The following OR4S2 variants were observed in gnomAD, a reference collection of about 807,000 sequenced individuals.
OR4S2 encodes the protein olfactory receptor family 4 subfamily S member 2, also known as olfactory receptor 4S2.
OR4S2 carries 16 observed loss-of-function variants against 15.1 expected under a neutral mutation model. The observed-to-expected ratio is 1.06, with a 90% CI of 0.72 to 1.61. OR4S2 has a LOEUF of 1.61. Ranked by LOEUF, OR4S2 falls within the 40% of genes most tolerant of loss-of-function variation. OR4S2 has a pLI of 0.00. For missense variants in OR4S2, 362 were observed against 379.6 expected (o/e 0.95, Z 0.38); for synonymous variants, 133 against 136.3 (o/e 0.98, Z 0.17).
rs1294860633 is a variant in OR4S2 at position 55,651,183 on chromosome 11, G to T, written c.280G>T (p.Gly94Trp). The change falls in exon 2 of 2, where the codon GGG becomes TGG. Residue 94 changes from glycine to tryptophan, a missense_variant. Physicochemically the swap from Gly to Trp is radical, Grantham distance 184. Transcript: ENST00000641692. ...LAKDKTISYV[G>W]CMLQLFGVHF... is the part of the protein sequence containing the mutation. ...AAAGGACAAAACCATCTCCTATGTG[G>T]GGTGCATGTTGCAACTGTTTGGAGT... 1.3e-6 allele frequency: 2 copies of T among 1,486,252 alleles called. No individual in the cohort carries two copies. The highest frequency in any genetic ancestry group is 5.2e-5 in the East Asian group (2 of 38,740). 92.1% of individuals were successfully genotyped at this position (1,486,252 alleles called of 1,614,324 possible). A position where few individuals can be genotyped will look rare whatever the true frequency, so the allele number is the denominator to read the frequency against.
rs1258489226 is a variant in OR4S2 at position 55,650,882 on chromosome 11, T to C, written c.-22T>C. The C allele has an allele frequency of 1.2e-5, 13 of 1,061,280 alleles. No individual in the cohort carries two copies. The highest frequency in any genetic ancestry group is 1.8e-5 in the Non-Finnish European group (13 of 732,136). 65.7% of individuals were successfully genotyped at this position (1,061,280 alleles called of 1,614,324 possible). On this transcript the variant is annotated 5_prime_UTR_variant, in exon 2 of 2. Transcript: ENST00000641692. Reference sequence around the variant, plus strand: ...CTTTTTTTCAGGTAATTTAATTGTCTCCTAAGAACTTGACCCATTCCATGG... The same window carrying C: ...CTTTTTTTCAGGTAATTTAATTGTCCCCTAAGAACTTGACCCATTCCATGG...
At position 55,651,267 on chromosome 11, in the gene OR4S2, G is replaced by A. The variant is rs1858562952; in HGVS notation, c.364G>A (p.Val122Met). ...ILTVMAYDRY[V>M]AICKPLHYMT... The stretch of plus-strand genomic sequence containing the variant: ...TACTGTAATGGCCTATGATCGTTAT[G>A]TGGCTATCTGTAAACCCCTACATTA... Residue 122 changes from valine to methionine, a missense_variant, in exon 2 of 2, where the codon GTG becomes ATG. Val to Met is a conservative substitution (Grantham distance 21). Transcript: ENST00000641692. The A allele has an allele frequency of 2.0e-6, 3 of 1,479,888 alleles. 1 individual carries two copies. The highest frequency in any genetic ancestry group is 2.8e-6 in the Non-Finnish European group (3 of 1,085,800). The allele number at this position is 1,479,888 out of a possible 1,614,324, so 91.7% of individuals were successfully genotyped here.
intron 1 of OR4S2, among the ~76,000 whole-genome samples, chr11:55,649,411 G>A (rs1858536918): frequency 7.2e-6 from 1 of 138,214 alleles, no homozygotes; most frequent in Non-Finnish European, 1.6e-5. Flanking sequence ...TATTAGGCAC[G>A]ACTTCACTGC....
intron 1 of OR4S2, among the ~76,000 whole-genome samples, chr11:55,648,807 G>A (rs1858529420): frequency 1.5e-5 from 2 of 137,258 alleles, no homozygotes; most frequent in Admixed American, 1.6e-4. Flanking sequence ...AACATGCCCA[G>A]ATAAAGGAGG....
chr11:55,650,732 A>G (rs79068713), intron 1 of OR4S2, 136 bp from the exon 2 acceptor site: 1 of 492,924 alleles, frequency 2.0e-6, no homozygotes, highest in Non-Finnish European at 3.6e-6. Flanking sequence ...AAGATGATCA[A>G]AATAGATGCA....
At position 55,651,840 on chromosome 11, in the gene OR4S2, T is replaced by A. The variant is rs755695914; in HGVS notation, c.*1T>A. The A allele has an allele frequency of 2.3e-5, 30 of 1,332,710 alleles. 6 individuals are homozygous for A. In the Middle Eastern group the frequency reaches 8.4e-4, roughly 37 times the overall value. The allele number at this position is 1,332,710 out of a possible 1,614,324, so 82.6% of individuals were successfully genotyped here. On this transcript the variant is annotated 3_prime_UTR_variant, in exon 2 of 2. Transcript: ENST00000641692. ...TTTCTTGGAGGCTAAAGGGAAATAGTTGGACTTAATAATTTAAGCTAGATG... is the reference window on the plus strand; with the variant it reads ...TTTCTTGGAGGCTAAAGGGAAATAGATGGACTTAATAATTTAAGCTAGATG...
At chr11:55,648,637 A>C (rs1053785060) in intron 1 of OR4S2, 87 bp downstream of exon 1, 1 of 138,692 alleles carries the variant, frequency 7.2e-6, no homozygotes, top group African/African-American at 2.5e-5. Flanking sequence ...TTTATAAAAT[A>C]ATGGAAAAAT....
intron 1 of OR4S2, among the ~76,000 whole-genome samples, chr11:55,649,011 GA>G (rs34495126): frequency 0.25 from 32,647 of 132,196 alleles, 8,640 homozygotes; most frequent in Admixed American, 0.33. Flanking sequence ...ATTGGTGAAT[GA>G]AAAAAAAAAT....
intron 1 of OR4S2, among the ~76,000 whole-genome samples, chr11:55,650,660 C>G (rs1858551108): frequency 7.2e-6 from 1 of 138,092 alleles, no homozygotes; most frequent in South Asian, 2.4e-4. Context: ...AGGGGATTTA[C>G]TTTATCTCTC....
rs2120203391 is a variant in OR4S2 at position 55,652,129 on chromosome 11, C to A, written c.*290C>A. 5.5e-6 allele frequency: 1 copy of A among 183,440 alleles called. No individual in the cohort carries two copies. Among genetic ancestry groups the A allele is most frequent in the Non-Finnish European group, 1.1e-5 (1 of 91,956 alleles). 11.4% of individuals were successfully genotyped at this position (183,440 alleles called of 1,614,324 possible). A position where few individuals can be genotyped will look rare whatever the true frequency, so the allele number is the denominator to read the frequency against. On this transcript the variant is annotated 3_prime_UTR_variant, in exon 2 of 2. Coordinates refer to ENST00000641692, the MANE Select transcript of OR4S2 (RefSeq NM_001004059.3). ...TTCCTTTGAGGACAGATTTCTATTA[C>A]CCTACCTTGCTATTCACTGGTTTTA...
Position 55,651,320 on chromosome 11 carries a change from C to A in OR4S2, c.417C>A (p.Cys139Ter). The A allele has an allele frequency of 6.7e-7, 1 of 1,488,240 alleles. No homozygotes were observed. Among genetic ancestry groups the A allele is most frequent in the Non-Finnish European group, 9.1e-7 (1 of 1,093,308 alleles). The allele number at this position is 1,488,240 out of a possible 1,614,324, so 92.2% of individuals were successfully genotyped here. A position where few individuals can be genotyped will look rare whatever the true frequency, so the allele number is the denominator to read the frequency against. The change falls in exon 2 of 2, where the codon TGC (cysteine) becomes TGA (stop). Residue 139 changes from cysteine (C) to a stop codon, truncating the protein, a stop_gained. Coordinates refer to ENST00000641692, the MANE Select transcript of OR4S2 (RefSeq NM_001004059.3). LOFTEE classifies it high-confidence loss of function. ...HYMTIMNRET[C>*]NKMLLGTWVG... ...TGACCATCATGAACCGGGAGACATG[C>A]AATAAAATGTTATTAGGGACGTGGG...
In OR4S2 at chr11:55,649,030, G is replaced by A. The variant is rs141087882; in HGVS notation, c.-37+480G>A. On this transcript the variant is annotated intron_variant, in intron 1 of 1. Coordinates refer to ENST00000641692, the MANE Select transcript of OR4S2 (RefSeq NM_001004059.3). ...GTGAATGAAAAAAAAAATTCCTCTA[G>A]AACCTTGTGATATGGACGGTAGGGG... 7.5e-4 allele frequency among the ~76,000 whole-genome samples: 103 copies of A among 136,470 alleles called. 12 individuals carry two copies. Among genetic ancestry groups the A allele is most frequent in the South Asian group, 4.6e-3 (19 of 4,112 alleles). 89.5% of individuals were successfully genotyped at this position (136,470 alleles called of 152,430 possible). A position where few individuals can be genotyped will look rare whatever the true frequency, so the allele number is the denominator to read the frequency against.
Position 55,650,963 on chromosome 11 carries a change from G to A in OR4S2, c.60G>A (p.Glu20=). The A allele has an allele frequency of 6.8e-7, 1 of 1,469,692 alleles. No individual in the cohort carries two copies. Among genetic ancestry groups the A allele is most frequent in the Non-Finnish European group, 9.3e-7 (1 of 1,076,540 alleles). The allele number at this position is 1,469,692 out of a possible 1,614,324, so 91.0% of individuals were successfully genotyped here. Residue 20 remains glutamate (E), a synonymous_variant, in exon 2 of 2, where the codon GAG becomes GAA. Coordinates refer to ENST00000641692, the MANE Select transcript of OR4S2 (RefSeq NM_001004059.3). Reference sequence around the variant, plus strand: ...TCTGGGGTCTTTCTCAGAGCCCAGAGATTGAGAAAGTTTGTTTTGTGGTGT... The same window carrying A: ...TCTGGGGTCTTTCTCAGAGCCCAGAAATTGAGAAAGTTTGTTTTGTGGTGT... The part of the protein sequence containing the change: ...FIFWGLSQSP[E]IEKVCFVVFS...
In OR4S2 at chr11:55,651,763, T is replaced by C; in HGVS notation, c.860T>C (p.Leu287Pro). The change falls in exon 2 of 2, where the codon CTG becomes CCG. Residue 287 changes from leucine (L) to proline (P), a missense_variant. Transcript: ENST00000641692. ...TPMLNPLIYT[L>P]RNAEVKNAMK... ...ATGTTAAATCCTCTGATTTATACAC[T>C]GAGAAATGCAGAAGTAAAGAATGCA... 1 of 1,462,174 alleles carries C rather than the reference T, an allele frequency of 6.8e-7. No homozygotes were observed. Among genetic ancestry groups the C allele is most frequent in the Non-Finnish European group, 9.3e-7 (1 of 1,069,722 alleles). The allele number at this position is 1,462,174 out of a possible 1,614,324, so 90.6% of individuals were successfully genotyped here.
At chr11:55,650,233 T>C (rs1429665295) in intron 1 of OR4S2, among the ~76,000 whole-genome samples, 1 of 139,008 alleles carries the variant, frequency 7.2e-6, no homozygotes, top group East Asian at 2.3e-4. Context: ...ATTTTGCTCC[T>C]CTTTCTATTA....
chr11:55,651,407 A>G lies in OR4S2; in HGVS notation c.504A>G (p.Gly168=). The G allele has an allele frequency of 6.7e-7, 1 of 1,489,622 alleles. No homozygotes were observed. The highest frequency in any genetic ancestry group is 9.1e-7 in the Non-Finnish European group (1 of 1,094,478). 92.3% of individuals were successfully genotyped at this position (1,489,622 alleles called of 1,614,324 possible). A position where few individuals can be genotyped will look rare whatever the true frequency, so the allele number is the denominator to read the frequency against. ...VALVVQLPFC[G]PNEIDHYFCD... ...TGGTAGTCCAACTACCCTTTTGTGG[A>G]CCCAATGAGATAGATCACTACTTTT... Residue 168 remains glycine (G), a synonymous_variant, in exon 2 of 2, where the codon GGA becomes GGG. Transcript: ENST00000641692.
In OR4S2 at chr11:55,651,134, C is replaced by T. The variant is rs775727118; in HGVS notation, c.231C>T (p.Pro77=). The change falls in exon 2 of 2, where the codon CCC becomes CCT. Residue 77 remains proline (P), a synonymous_variant. Transcript: ENST00000641692. The part of the protein sequence containing the change: ...VDICYSSVTA[P]KMIVDLLAKD... Reference sequence around the variant, plus strand: ...TTTGTTACTCTTCAGTCACAGCTCCCAAGATGATTGTTGACCTGTTAGCAA... The same window carrying T: ...TTTGTTACTCTTCAGTCACAGCTCCTAAGATGATTGTTGACCTGTTAGCAA... 6.8e-7 allele frequency: 1 copy of T among 1,473,592 alleles called. No homozygotes were observed. The highest frequency in any genetic ancestry group is 1.4e-5 in the African/African-American group (1 of 72,554). The allele number at this position is 1,473,592 out of a possible 1,614,324, so 91.3% of individuals were successfully genotyped here.
At position 55,649,069 on chromosome 11, in the gene OR4S2, G is replaced by A. The variant is rs1434192147; in HGVS notation, c.-37+519G>A. Reference sequence around the variant, plus strand: ...GGACGGTAGGGGAAAAAATCCTCAGGCTTGTGTGCAAAAGCCCAGTTTCTT... The same window carrying A: ...GGACGGTAGGGGAAAAAATCCTCAGACTTGTGTGCAAAAGCCCAGTTTCTT... On this transcript the variant is annotated intron_variant, in intron 1 of 1. Coordinates refer to ENST00000641692, the MANE Select transcript of OR4S2 (RefSeq NM_001004059.3). Among the ~76,000 whole-genome samples, 2 of 137,662 alleles carry A rather than the reference G, an allele frequency of 1.5e-5. 1 individual carries two copies. The highest frequency in any genetic ancestry group is 3.2e-5 in the Non-Finnish European group (2 of 61,942). 90.3% of individuals were successfully genotyped at this position (137,662 alleles called of 152,430 possible). A position where few individuals can be genotyped will look rare whatever the true frequency, so the allele number is the denominator to read the frequency against.
chr11:55,649,275 T>C, intron 1 of OR4S2, among the ~76,000 whole-genome samples: 1 of 138,430 alleles, frequency 7.2e-6, no homozygotes, highest in Non-Finnish European at 1.6e-5. Flanking sequence ...TAAATCATAT[T>C]ACTATTACTC....
Sources: allele counts gnomAD v4.1 joint callset (sites outside exome capture counted in the v4.1 genomes callset), GRCh38; gene constraint gnomAD v4.1.1; transcripts MANE v1.5; gene names NCBI Gene and HGNC (gene_info 2026-07-23, HGNC 2026-07-21).